RTN1: variants seen among roughly 807,000 people sequenced by gnomAD.
RTN1 encodes reticulon-1.
RTN1 carries 25 observed loss-of-function variants against 65.5 expected under a neutral mutation model. The observed-to-expected ratio is 0.38, with a 90% confidence interval of 0.28 to 0.53. The LOEUF (loss-of-function observed/expected upper bound fraction) is 0.53, where lower values mean the gene tolerates loss of function less well. Among genes scored for constraint, RTN1 ranks in the 20% least tolerant of loss-of-function variants. The probability of loss-of-function intolerance (pLI) is 0.79; values close to 1 mark genes in which losing one functional copy is unlikely to be tolerated. For missense variants in RTN1, 983 were observed against 1,025.4 expected (o/e 0.96, Z 0.57); for synonymous variants, 471 against 447.6 (o/e 1.05, Z -0.66).
chr14:59,869,965 G>A (rs960179992), intron 1 of RTN1, among the ~76,000 whole-genome samples: 9 of 152,134 alleles, frequency 5.9e-5, no homozygotes, highest in Non-Finnish European at 1.3e-4. Context: ...CCGCTCGGTT[G>A]TCAGCATCTC....
At chr14:59,814,751 CT>C (rs1430430459) in intron 1 of RTN1, among the ~76,000 whole-genome samples, 1 of 152,148 alleles carries the variant, frequency 6.6e-6, no homozygotes, top group African/African-American at 2.4e-5. Flanking sequence ...TTTTAGGCTA[CT>C]ACAAGCAACC....
At chr14:59,739,870 G>A (rs1307475378) in intron 2 of RTN1, among the ~76,000 whole-genome samples, 1 of 152,106 alleles carries the variant, frequency 6.6e-6, no homozygotes, top group African/African-American at 2.4e-5. Context: ...ACATCCTTCC[G>A]GTTTCACATG....
chr14:59,677,220 T>C (rs879656211), intron 3 of RTN1, among the ~76,000 whole-genome samples: 21 of 152,364 alleles, frequency 1.4e-4, no homozygotes, highest in Middle Eastern at 6.8e-3. Flanking sequence ...GTTGATGCAA[T>C]ACATTCACAG....
chr14:59,630,316 C>G, intron 3 of RTN1: 1 of 1,095,660 alleles, frequency 9.1e-7, no homozygotes, highest in Non-Finnish European at 1.3e-6. Flanking sequence ...AGGTTTACTA[C>G]CCCCCAACAC....
chr14:59,609,329 T>C (rs1881871986), intron 3 of RTN1, among the ~76,000 whole-genome samples: 1 of 140,920 alleles, frequency 7.1e-6, no homozygotes, highest in Non-Finnish European at 1.5e-5. Flanking sequence ...AATCCTTTTC[T>C]TTTTTTTTTT....
At chr14:59,780,497 C>T (rs960676180) in intron 1 of RTN1, among the ~76,000 whole-genome samples, 3 of 152,100 alleles carry the variant, frequency 2.0e-5, no homozygotes, top group Admixed American at 6.6e-5. Context: ...GCCAACCATT[C>T]CGGAGGAAGT....
chr14:59,749,104 A>C (rs1380383302), intron 1 of RTN1, among the ~76,000 whole-genome samples: 3 of 51,730 alleles, frequency 5.8e-5, no homozygotes, highest in African/African-American at 1.5e-4. Context: ...ATATATATCT[A>C]TATATATATA....
chr14:59,859,667 G>A (rs1181386617), intron 1 of RTN1, among the ~76,000 whole-genome samples: 1 of 152,176 alleles, frequency 6.6e-6, no homozygotes, highest in Non-Finnish European at 1.5e-5. Context: ...GGGAAAGTTT[G>A]GAACTGCCTA....
In RTN1 at chr14:59,707,107, A is replaced by G. The variant is rs572697004; in HGVS notation, c.1765+19812T>C. Among the ~76,000 whole-genome samples the G allele has an allele frequency of 9.3e-4, 142 of 152,340 alleles. 1 individual carries two copies. The highest frequency in any genetic ancestry group is 3.2e-3 in the African/African-American group (131 of 41,586). On this transcript the variant is annotated intron_variant, in intron 3 of 8. Coordinates refer to ENST00000267484, the MANE Select transcript of RTN1 (RefSeq NM_021136.3). ...TGAGAACTGAAGAACAAGCTGACTT[A>G]AGCCCAAGGTCCATCTAGCTCCAAA... is the stretch of plus-strand genomic sequence containing the variant.
intron 1 of RTN1, among the ~76,000 whole-genome samples, chr14:59,856,667 C>G (rs182344562): frequency 6.6e-6 from 1 of 152,174 alleles, no homozygotes; most frequent in Admixed American, 6.5e-5. Flanking sequence ...CTCTCCACCC[C>G]CAATCCTTCC....
Position 59,727,158 on chromosome 14 carries a change from C to G in RTN1, c.1526G>C (p.Arg509Pro). Reference protein sequence around the residue: ...REETGVRAEERAPSRRGLAEP... With the variant: ...REETGVRAEEPAPSRRGLAEP... ...GGCCAGGCCCCGCCGGCTTGGCGCA[C>G]GCTCCTCGGCCCGGACGCCAGTCTC... is the stretch of plus-strand genomic sequence containing the variant. Residue 509 changes from arginine (R) to proline (P), a missense_variant, in exon 3 of 9, where the codon CGT becomes CCT. Transcript: ENST00000267484. The surrounding 1 kb of genome is among the most constrained non-coding windows in gnomAD (Gnocchi z 4.2). 1 of 1,595,858 alleles carries G rather than the reference C, an allele frequency of 6.3e-7. No homozygotes were observed. Among genetic ancestry groups the G allele is most frequent in the South Asian group, 1.1e-5 (1 of 88,722 alleles).
chr14:59,852,804 T>C (rs530123125), intron 1 of RTN1, among the ~76,000 whole-genome samples: 34 of 152,354 alleles, frequency 2.2e-4, no homozygotes, highest in Middle Eastern at 6.8e-3. Flanking sequence ...TTGAAATTAA[T>C]ACAACAAAAT....
chr14:59,616,635 G>T (rs1418533061), intron 3 of RTN1, among the ~76,000 whole-genome samples: 1 of 152,100 alleles, frequency 6.6e-6, no homozygotes. Context: ...TAAAATTGTT[G>T]TATGCCACAA....
At chr14:59,652,595 A>G (rs544901826) in intron 3 of RTN1, among the ~76,000 whole-genome samples, 1 of 152,246 alleles carries the variant, frequency 6.6e-6, no homozygotes, top group African/African-American at 2.4e-5. Flanking sequence ...ACCAAATACC[A>G]TATGTTCTTA....
intron 1 of RTN1, among the ~76,000 whole-genome samples, chr14:59,835,523 CTT>C (rs1214332379): frequency 6.6e-6 from 1 of 152,160 alleles, no homozygotes; most frequent in African/African-American, 2.4e-5. Flanking sequence ...TTCAGCAAAA[CTT>C]TGTTCAGCAA....
intron 1 of RTN1, among the ~76,000 whole-genome samples, chr14:59,762,424 A>G (rs1375947632): frequency 2.0e-5 from 3 of 152,192 alleles, no homozygotes; most frequent in African/African-American, 7.2e-5. Context: ...CTTTTGTTTA[A>G]CCACACTCAT....
chr14:59,861,644 T>C lies in RTN1; in HGVS notation c.241+8746A>G, dbSNP rs761679129. ...CTGGGAGAGAATCTGTCTTTTCTGA[T>C]CAGTTCTAATTATTAGAACATTTTC... On this transcript the variant is annotated intron_variant, in intron 1 of 8. Coordinates refer to ENST00000267484, the MANE Select transcript of RTN1 (RefSeq NM_021136.3). Among the ~76,000 whole-genome samples the C allele has an allele frequency of 4.8e-4, 73 of 152,220 alleles. 1 individual carries two copies. The highest frequency in any genetic ancestry group is 7.2e-4 in the Admixed American group (11 of 15,282).
intron 1 of RTN1, among the ~76,000 whole-genome samples, chr14:59,806,240 A>G (rs1886634685): frequency 6.6e-6 from 1 of 150,868 alleles, no homozygotes; most frequent in Admixed American, 6.6e-5. Flanking sequence ...TTCTCAAAAA[A>G]TAATAATAAT....
chr14:59,743,636 A>G (rs1405235173), intron 2 of RTN1, among the ~76,000 whole-genome samples: 1 of 152,026 alleles, frequency 6.6e-6, no homozygotes, highest in African/African-American at 2.4e-5. Context: ...CCAAATCTCA[A>G]TTTACATCTT....
Sources: allele counts gnomAD v4.1 joint callset (sites outside exome capture counted in the v4.1 genomes callset), GRCh38; gene constraint gnomAD v4.1.1; non-coding constraint Gnocchi (gnomAD v3.1); transcripts MANE v1.5; gene names NCBI Gene and HGNC (gene_info 2026-07-23, HGNC 2026-07-21).